DACH2: variants seen among roughly 807,000 people sequenced by gnomAD.
DACH2 encodes dachshund family transcription factor 2.
In DACH2, 17 loss-of-function variants were observed where a neutral mutation model predicts 35.8. The observed-to-expected ratio is 0.48, with a 90% confidence interval of 0.33 to 0.71. The LOEUF (loss-of-function observed/expected upper bound fraction) is 0.71. DACH2 is among the 30% of genes least tolerant of loss of function. DACH2 has a pLI of 0.02. For missense variants in DACH2, 469 were observed against 472.7 expected (o/e 0.99, Z 0.07); for synonymous variants, 195 against 177.3 (o/e 1.10, Z -0.79).
At chrX:86,529,981 A>ACG (rs1442669705) in intron 3 of DACH2, among the ~76,000 whole-genome samples, 147 of 101,404 alleles carry the variant, frequency 1.4e-3, no homozygotes, top group Middle Eastern at 0.011. Flanking sequence ...ACACACGCAC[A>ACG]CACACACACA....
intron 1 of DACH2, among the ~76,000 whole-genome samples, chrX:86,324,647 C>T (rs993020171): frequency 1.3e-4 from 12 of 90,116 alleles, no homozygotes; most frequent in Non-Finnish European, 2.1e-4. Context: ...GGCGTGATCT[C>T]GGCTCACTGC....
At chrX:86,373,022 T>C (rs185865883) in intron 1 of DACH2, among the ~76,000 whole-genome samples, 1 of 111,557 alleles carries the variant, frequency 9.0e-6, no homozygotes, top group African/African-American at 3.2e-5. Flanking sequence ...TTTTTATGGC[T>C]GTGTAATATT....
At chrX:86,314,435 T>C (rs1235327775) in intron 1 of DACH2, among the ~76,000 whole-genome samples, 2 of 110,614 alleles carry the variant, frequency 1.8e-5, no homozygotes, top group African/African-American at 6.6e-5. Flanking sequence ...GGAGGATCAC[T>C]TGGGCCCAGG....
chrX:86,683,415 A>G (rs1047415286), intron 4 of DACH2, among the ~76,000 whole-genome samples: 7 of 111,593 alleles, frequency 6.3e-5, no homozygotes, highest in Admixed American at 5.8e-4. Flanking sequence ...CTCACTGCTG[A>G]ACCACTTGAT....
chrX:86,313,655 C>T (rs1332815000), intron 1 of DACH2, among the ~76,000 whole-genome samples: 4 of 112,226 alleles, frequency 3.6e-5, no homozygotes, highest in Admixed American at 9.5e-5. Context: ...TGATTTAATA[C>T]ATGGGTCTTT....
At chrX:86,608,056 C>T (rs1219813049) in intron 3 of DACH2, among the ~76,000 whole-genome samples, 3 of 108,463 alleles carry the variant, frequency 2.8e-5, no homozygotes, top group Non-Finnish European at 5.7e-5. Flanking sequence ...AATAAACATA[C>T]GTGTGCATGT....
intron 4 of DACH2, among the ~76,000 whole-genome samples, chrX:86,676,305 T>C (rs1488745333): frequency 8.9e-6 from 1 of 112,225 alleles, no homozygotes; most frequent in Non-Finnish European, 1.9e-5. Context: ...GTTTTTCTAA[T>C]GTTTATCAAC....
intron 4 of DACH2, among the ~76,000 whole-genome samples, chrX:86,659,750 C>T (rs1467248093): frequency 2.7e-5 from 3 of 111,811 alleles, no homozygotes; most frequent in Non-Finnish European, 5.7e-5. Flanking sequence ...AAACAAGCAT[C>T]CTCTCTTTGT....
chrX:86,619,582 T>C (rs930872967), intron 3 of DACH2, among the ~76,000 whole-genome samples: 2 of 112,196 alleles, frequency 1.8e-5, no homozygotes, highest in Non-Finnish European at 3.8e-5. Flanking sequence ...CAATGAACTC[T>C]TGAGATTTCT....
At chrX:86,219,841 A>G (rs996708292) in intron 1 of DACH2, among the ~76,000 whole-genome samples, 2 of 109,579 alleles carry the variant, frequency 1.8e-5, no homozygotes, top group Admixed American at 9.8e-5. Context: ...TCAAGGTAAT[A>G]CATTTATCCA....
At chrX:86,199,392 A>G (rs2032086260) in intron 1 of DACH2, among the ~76,000 whole-genome samples, 1 of 111,503 alleles carries the variant, frequency 9.0e-6, no homozygotes, top group South Asian at 3.8e-4. Context: ...CCTATTCAAC[A>G]TAGTATTGGA....
At chrX:86,454,262 G>A (rs1321319955) in intron 2 of DACH2, among the ~76,000 whole-genome samples, 1 of 110,895 alleles carries the variant, frequency 9.0e-6, no homozygotes, top group Non-Finnish European at 1.9e-5. Flanking sequence ...TCTTGGGGTG[G>A]ACCTTATCAT....
chrX:86,478,155 G>A (rs1316236585), intron 2 of DACH2, among the ~76,000 whole-genome samples: 1 of 111,483 alleles, frequency 9.0e-6, no homozygotes, highest in Non-Finnish European at 1.9e-5. Context: ...TTACAGTTTT[G>A]TATAATATTC....
chrX:86,287,187 G>T (rs776095010), intron 1 of DACH2, among the ~76,000 whole-genome samples: 1 of 110,922 alleles, frequency 9.0e-6, no homozygotes, highest in South Asian at 3.8e-4. Context: ...TTTTCCTTCA[G>T]CATTTTAAAT....
intron 4 of DACH2, among the ~76,000 whole-genome samples, chrX:86,665,679 TTTG>T (rs1440487742): frequency 3.6e-4 from 40 of 111,892 alleles, no homozygotes; most frequent in African/African-American, 1.3e-3. Flanking sequence ...GTAATATTTT[TTTG>T]TATCATCTAT....
chrX:86,482,705 C>T (rs2037955690), intron 2 of DACH2, among the ~76,000 whole-genome samples: 1 of 108,151 alleles, frequency 9.2e-6, no homozygotes, highest in Middle Eastern at 4.3e-3. Context: ...CCTGTTGTTT[C>T]CTGACTTTTT....
At chrX:86,252,473 T>C (rs1486241493) in intron 1 of DACH2, among the ~76,000 whole-genome samples, 3 of 111,525 alleles carry the variant, frequency 2.7e-5, no homozygotes, top group Non-Finnish European at 5.7e-5. Context: ...TTTATAGGCT[T>C]AGGTCTTAAA....
intron 3 of DACH2, among the ~76,000 whole-genome samples, chrX:86,604,129 A>G (rs1271177351): frequency 9.0e-6 from 1 of 111,367 alleles, no homozygotes; most frequent in Non-Finnish European, 1.9e-5. Context: ...TGGATTTTCT[A>G]TTAATAGGAT....
chrX:86,171,345 G>A (rs751545926), intron 1 of DACH2, among the ~76,000 whole-genome samples: 13 of 111,260 alleles, frequency 1.2e-4, no homozygotes, highest in Non-Finnish European at 1.9e-5. Context: ...TGGTCTCTCA[G>A]TGTGTCATGC....
Sources: gnomAD v4.1 joint callset for allele counts (sites outside exome capture counted in the v4.1 genomes callset) on GRCh38, gnomAD v4.1.1 for gene constraint, MANE v1.5 for transcripts, NCBI Gene and HGNC (gene_info 2026-07-23, HGNC 2026-07-21) for gene names.